Variants in TLK1 observed in about 807,000 individuals in gnomAD.
TLK1 encodes serine/threonine-protein kinase tousled-like 1.
Under a neutral mutation model 105.3 loss-of-function variants are expected in TLK1, and 24 were observed. The ratio of observed to expected loss-of-function variants is 0.23; its 90% CI spans 0.17 to 0.32. The LOEUF (loss-of-function observed/expected upper bound fraction) is 0.32, where lower values mean the gene tolerates loss of function less well. TLK1 is among the 10% of genes least tolerant of loss of function. The pLI is 1.00. For missense variants in TLK1, 558 were observed against 910.5 expected, an observed-to-expected ratio of 0.61 and a Z score of 4.98; for synonymous variants, 321 against 310.4, an observed-to-expected ratio of 1.03 and a Z score of -0.36.
chr2:171,018,176 C>A (rs1172608207), intron 12 of TLK1, among the ~76,000 whole-genome samples: 1 of 152,126 alleles, frequency 6.6e-6, no homozygotes, highest in African/African-American at 2.4e-5. Context: ...AAGAAAGGTT[C>A]CCCCACCCCT....
intron 3 of TLK1, chr2:171,081,552 C>A: frequency 1.2e-6 from 1 of 856,166 alleles, no homozygotes; most frequent in Non-Finnish European, 1.6e-6. Context: ...AGAGCTAAAC[C>A]TACAATTTTC....
chr2:171,186,316 C>A (rs1693023926), intron 1 of TLK1, among the ~76,000 whole-genome samples: 1 of 152,178 alleles, frequency 6.6e-6, no homozygotes, highest in Non-Finnish European at 1.5e-5. Flanking sequence ...CACACCATGC[C>A]ACATGGAAGC....
intron 12 of TLK1, among the ~76,000 whole-genome samples, chr2:171,020,455 G>A (rs909350360): frequency 3.3e-5 from 5 of 151,292 alleles, no homozygotes; most frequent in Admixed American, 2.0e-4. Context: ...CAGGTGAATC[G>A]CTTGAACCCA....
At position 171,152,518 on chromosome 2, in the gene TLK1, A is replaced by G. The variant is rs566107158; in HGVS notation, c.139+7772T>C. ...AATACATGCTACCAAAGGTTTTGTT[A>G]TTGTTGTTGTTGTTGTTGTTGTTAG... On this transcript the variant is annotated intron_variant, in intron 1 of 20. Transcript: ENST00000431350. 2.0e-3 allele frequency among the ~76,000 whole-genome samples: 302 copies of G among 151,850 alleles called. 2 individuals carry two copies. Among genetic ancestry groups the G allele is most frequent in the Admixed American group, 3.4e-3 (52 of 15,254 alleles).
At chr2:171,081,630 T>C in intron 3 of TLK1, 1 of 1,303,114 alleles carries the variant, frequency 7.7e-7, no homozygotes, top group Non-Finnish European at 1.0e-6. Flanking sequence ...CAGGGGCTAC[T>C]AACGCTTACC....
chr2:171,016,788 T>C (rs571208350), intron 12 of TLK1, among the ~76,000 whole-genome samples: 3 of 152,364 alleles, frequency 2.0e-5, no homozygotes, highest in Admixed American at 6.5e-5. Flanking sequence ...AAAGATTATG[T>C]TGTTTGTACT....
At chr2:171,131,852 T>C (rs1233535149) in intron 1 of TLK1, among the ~76,000 whole-genome samples, 15 of 152,198 alleles carry the variant, frequency 9.9e-5, no homozygotes, top group South Asian at 2.1e-4. Flanking sequence ...TTTCCAACAA[T>C]TGAGATTACA....
At chr2:171,117,896 G>T in intron 1 of TLK1, 39 bp from the exon 2 acceptor site, 5 of 1,337,490 alleles carry the variant, frequency 3.7e-6, no homozygotes, top group Non-Finnish European at 5.2e-6. Flanking sequence ...ACATATATAT[G>T]TGTGTATACT....
intron 2 of TLK1, among the ~76,000 whole-genome samples, chr2:171,105,222 A>G (rs1433404086): frequency 1.3e-5 from 2 of 152,238 alleles, no homozygotes; most frequent in Non-Finnish European, 2.9e-5. Context: ...ACAACCTGCA[A>G]GAAAGTGATT....
intron 1 of TLK1, among the ~76,000 whole-genome samples, chr2:171,137,602 A>G (rs1691379076): frequency 6.6e-6 from 1 of 152,086 alleles, no homozygotes; most frequent in Non-Finnish European, 1.5e-5. Flanking sequence ...TAATCCTAAC[A>G]CTTTGGGAGG....
chr2:171,200,457 T>A (rs1037132288), intron 1 of TLK1, among the ~76,000 whole-genome samples: 1 of 152,220 alleles, frequency 6.6e-6, no homozygotes, highest in African/African-American at 2.4e-5. Flanking sequence ...GCAGCCCACA[T>A]TTTACAGTCT....
At chr2:171,012,973 G>A (rs1444042147) in intron 13 of TLK1, among the ~76,000 whole-genome samples, 1 of 151,366 alleles carries the variant, frequency 6.6e-6, no homozygotes, top group African/African-American at 2.4e-5. Context: ...TTTCGGAACA[G>A]TTAGTCTTAA....
At chr2:171,199,638 AGT>A (rs1282987153) in intron 1 of TLK1, among the ~76,000 whole-genome samples, 5 of 152,128 alleles carry the variant, frequency 3.3e-5, no homozygotes, top group Admixed American at 6.5e-5. Context: ...TCTTCCTATA[AGT>A]GTGTGTTTGG....
At chr2:171,100,179 A>G (rs1425742209) in intron 2 of TLK1, among the ~76,000 whole-genome samples, 2 of 152,236 alleles carry the variant, frequency 1.3e-5, no homozygotes, top group Admixed American at 6.5e-5. Context: ...AGGGAAATAC[A>G]TACCAAAAAC....
chr2:171,008,449 C>A (rs894732221), intron 14 of TLK1, among the ~76,000 whole-genome samples: 5 of 151,942 alleles, frequency 3.3e-5, no homozygotes, highest in Non-Finnish European at 2.9e-5. Context: ...GAATTCAAGG[C>A]AATCATAGTA....
At chr2:171,057,480 T>C (rs1687557145) in intron 5 of TLK1, among the ~76,000 whole-genome samples, 1 of 152,074 alleles carries the variant, frequency 6.6e-6, no homozygotes, top group Non-Finnish European at 1.5e-5. Flanking sequence ...TATCAGTAAG[T>C]GACTGACCTC....
chr2:171,121,688 C>G lies in TLK1; in HGVS notation c.140-3831G>C, dbSNP rs144256754. Among the ~76,000 whole-genome samples, 8 of 152,318 alleles carry G rather than the reference C, an allele frequency of 5.3e-5. No homozygotes were observed. In the East Asian group the frequency reaches 1.5e-3, roughly 29 times the overall value. On this transcript the variant is annotated intron_variant, in intron 1 of 20. Transcript: ENST00000431350. ...GTATGTGCTATATACTATGCCTACT[C>G]TTTGACTTGATAACTGGTTGATGGC...
At chr2:171,229,043 G>C (rs957511812) in intron 1 of TLK1, among the ~76,000 whole-genome samples, 1 of 152,186 alleles carries the variant, frequency 6.6e-6, no homozygotes, top group Non-Finnish European at 1.5e-5. Context: ...GGGCATATGC[G>C]TGTCCTATAA....
chr2:171,091,751 G>GTTC (rs1234640964), intron 2 of TLK1: 5 of 125,004 alleles, frequency 4.0e-5, no homozygotes, highest in African/African-American at 1.4e-4. Flanking sequence ...TGTTGTTGTT[G>GTTC]TTGTTGTTGT....
Sources: allele counts gnomAD v4.1 joint callset (sites outside exome capture counted in the v4.1 genomes callset), GRCh38; gene constraint gnomAD v4.1.1; transcripts MANE v1.5; gene names NCBI Gene and HGNC (gene_info 2026-07-23, HGNC 2026-07-21).